AOPEP: variants seen among roughly 807,000 people sequenced by gnomAD.
AOPEP encodes the protein aminopeptidase O.
In AOPEP, 77 loss-of-function variants were observed where a neutral mutation model predicts 98.1. That is an observed-to-expected ratio of 0.78 (90% CI 0.65 to 0.95). The LOEUF is 0.95. AOPEP is among the 40% of genes least tolerant of loss of function. The pLI is 0.00. For missense variants in AOPEP, 1,024 were observed against 1,024.7 expected (o/e 1.00, Z 0.01); for synonymous variants, 346 against 365.3 (o/e 0.95, Z 0.60).
At chr9:94,902,779 G>C (rs1006573337) in intron 5 of AOPEP, among the ~76,000 whole-genome samples, 2 of 150,652 alleles carry the variant, frequency 1.3e-5, no homozygotes, top group Non-Finnish European at 1.5e-5. Context: ...TTTTTTGCCG[G>C]GCACCGTGGC....
chr9:94,866,669 T>G (rs72748516), intron 5 of AOPEP, among the ~76,000 whole-genome samples: 1 of 152,168 alleles, frequency 6.6e-6, no homozygotes, highest in African/African-American at 2.4e-5. Flanking sequence ...AGGATTTTTA[T>G]AAAAACAATT....
chr9:94,742,261 A>T (rs535038070), intron 1 of AOPEP, among the ~76,000 whole-genome samples: 184 of 152,190 alleles, frequency 1.2e-3, no homozygotes, highest in African/African-American at 4.3e-3. Flanking sequence ...GTGAAGCAAA[A>T]CTTTTGGTGT....
intron 5 of AOPEP, among the ~76,000 whole-genome samples, chr9:94,855,599 A>G (rs1268236058): frequency 6.6e-6 from 1 of 152,104 alleles, no homozygotes; most frequent in African/African-American, 2.4e-5. Context: ...AGGCAGGAGA[A>G]TCGCTTGAAC....
At chr9:94,931,818 C>A (rs1403649612) in intron 7 of AOPEP, 1 of 1,542,380 alleles carries the variant, frequency 6.5e-7, no homozygotes, top group Admixed American at 2.0e-5. Context: ...CTTCTTAAAG[C>A]ACTTTCTCCT....
intron 1 of AOPEP, among the ~76,000 whole-genome samples, chr9:94,735,058 T>C (rs1031112016): frequency 6.6e-6 from 1 of 152,224 alleles, no homozygotes; most frequent in Non-Finnish European, 1.5e-5. Flanking sequence ...TGTATTAATA[T>C]TTATATATGC....
chr9:94,975,525 T>C (rs2059790117), intron 10 of AOPEP, among the ~76,000 whole-genome samples: 1 of 152,160 alleles, frequency 6.6e-6, no homozygotes, highest in African/African-American at 2.4e-5. Flanking sequence ...ACAGGCAAAT[T>C]GTATGCAGCC....
At chr9:95,037,287 T>G (rs1463203825) in intron 13 of AOPEP, among the ~76,000 whole-genome samples, 1 of 152,218 alleles carries the variant, frequency 6.6e-6, no homozygotes, top group African/African-American at 2.4e-5. Context: ...TCTTAAGAAC[T>G]CTTTCTGAAG....
At chr9:94,743,262 A>G (rs573241538) in intron 1 of AOPEP, among the ~76,000 whole-genome samples, 17 of 151,344 alleles carry the variant, frequency 1.1e-4, no homozygotes, top group South Asian at 2.1e-4. Flanking sequence ...AGGAAGAAGA[A>G]GAAGAAGAAG....
In AOPEP at chr9:94,801,193, G is replaced by T. The variant is rs147790714; in HGVS notation, c.1364+191G>T. Among the ~76,000 whole-genome samples the T allele has an allele frequency of 2.5e-3, 378 of 152,334 alleles. 3 individuals carry two copies. The highest frequency in any genetic ancestry group is 8.5e-3 in the African/African-American group (352 of 41,578). On this transcript the variant is annotated intron_variant, in intron 5 of 16. Coordinates refer to ENST00000375315, the MANE Select transcript of AOPEP (RefSeq NM_001193329.3). Reference sequence around the variant, plus strand: ...CAGACTCCCTCATGCACGAGCCTTTGAGTGTCATGGGCTCAGTTCAGACTG... The same window carrying T: ...CAGACTCCCTCATGCACGAGCCTTTTAGTGTCATGGGCTCAGTTCAGACTG...
At chr9:95,093,184 T>C in the AOPEP span, among the ~76,000 whole-genome samples, 1 of 152,206 alleles carries the variant, frequency 6.6e-6, no homozygotes, top group South Asian at 2.1e-4. Flanking sequence ...AACTTGGTTT[T>C]AGCACAGCTG....
At chr9:95,074,479 C>T (rs1052755531) in intron 14 of AOPEP, among the ~76,000 whole-genome samples, 1 of 152,190 alleles carries the variant, frequency 6.6e-6, no homozygotes, top group Non-Finnish European at 1.5e-5. Flanking sequence ...GCTTTGGAAA[C>T]CCGGAAAGTG....
chr9:94,888,946 G>A (rs1376183790), intron 5 of AOPEP, among the ~76,000 whole-genome samples: 1 of 152,152 alleles, frequency 6.6e-6, no homozygotes, highest in African/African-American at 2.4e-5. Context: ...CATGACTGTG[G>A]TATACCATTG....
At chr9:94,804,095 T>C (rs1203452308) in intron 5 of AOPEP, among the ~76,000 whole-genome samples, 1 of 152,192 alleles carries the variant, frequency 6.6e-6, no homozygotes, top group East Asian at 1.9e-4. Flanking sequence ...CTGCTGGGGA[T>C]TGACTGGCAA....
intron 5 of AOPEP, among the ~76,000 whole-genome samples, chr9:94,829,498 A>G (rs1429181536): frequency 6.6e-6 from 1 of 152,178 alleles, no homozygotes; most frequent in Admixed American, 6.5e-5. Context: ...AGAAGTAAGA[A>G]ACTTTTCTCC....
At chr9:94,745,999 G>A (rs4437717) in intron 1 of AOPEP, among the ~76,000 whole-genome samples, 33,140 of 152,144 alleles carry the variant, frequency 0.22, 5,087 homozygotes, top group African/African-American at 0.43. Flanking sequence ...ATGTACGACA[G>A]GGGTTCCCCT....
intron 11 of AOPEP, among the ~76,000 whole-genome samples, chr9:94,989,197 G>C (rs2060713691): frequency 6.6e-6 from 1 of 151,634 alleles, no homozygotes; most frequent in Non-Finnish European, 1.5e-5. Flanking sequence ...TGCCTCCCGG[G>C]TTCATGCCAT....
In AOPEP at chr9:94,989,609, CTT is replaced by C. The variant is rs71498953; in HGVS notation, c.1977+10201_1977+10202del. ...TTATACCCTTCCTGAGTAACCCAAA[CTT>C]TTTTTTTTTTTTTTTTTTGAGACAG... On this transcript the variant is annotated intron_variant, in intron 11 of 16. Coordinates refer to ENST00000375315, the MANE Select transcript of AOPEP (RefSeq NM_001193329.3). Among the ~76,000 whole-genome samples the C allele has an allele frequency of 7.9e-3, 975 of 123,878 alleles. 6 individuals carry two copies. Among genetic ancestry groups the C allele is most frequent in the African/African-American group, 0.029 (927 of 32,244 alleles). 81.3% of individuals were successfully genotyped at this position (123,878 alleles called of 152,430 possible). A position where few individuals can be genotyped will look rare whatever the true frequency, so the allele number is the denominator to read the frequency against.
At chr9:94,768,361 C>T (rs1588122027) in intron 2 of AOPEP, among the ~76,000 whole-genome samples, 1 of 152,286 alleles carries the variant, frequency 6.6e-6, no homozygotes, top group East Asian at 1.9e-4. Flanking sequence ...AAAAAAAACC[C>T]CTTTTTCTCC....
the AOPEP span, among the ~76,000 whole-genome samples, chr9:95,139,851 T>TAA: frequency 9.6e-5 from 14 of 146,490 alleles, no homozygotes; most frequent in Non-Finnish European, 1.8e-4. Context: ...TATATATATA[T>TAA]AAATATATAT....
Sources: gnomAD v4.1 joint callset for allele counts (sites outside exome capture counted in the v4.1 genomes callset) on GRCh38, gnomAD v4.1.1 for gene constraint, MANE v1.5 for transcripts, NCBI Gene and HGNC (gene_info 2026-07-23, HGNC 2026-07-21) for gene names.